Variants in TRPV4 observed in about 807,000 individuals in gnomAD.
The protein encoded by TRPV4 is OSM9-like transient receptor potential channel 4.
Under a neutral mutation model 84.1 loss-of-function variants are expected in TRPV4, and 58 were observed. That is an observed-to-expected ratio of 0.69 (90% confidence interval 0.56 to 0.86). The LOEUF (loss-of-function observed/expected upper bound fraction) is 0.86, where lower values mean the gene tolerates loss of function less well. Among genes scored for constraint, TRPV4 ranks in the 40% least tolerant of loss-of-function variants. TRPV4 has a pLI of 0.00. For missense variants in TRPV4, 879 were observed against 1,181.1 expected (o/e 0.74, Z 3.75); for synonymous variants, 489 against 500.9 (o/e 0.98, Z 0.32).
At chr12:109,817,761 T>A (rs1345876825) in intron 1 of TRPV4, among the ~76,000 whole-genome samples, 3 of 152,180 alleles carry the variant, frequency 2.0e-5, no homozygotes, top group Non-Finnish European at 4.4e-5. Context: ...AGACCAGTGG[T>A]TCTCAACCAA....
At chr12:109,803,886 A>T (rs1207847887) in intron 3 of TRPV4, among the ~76,000 whole-genome samples, 1 of 152,230 alleles carries the variant, frequency 6.6e-6, no homozygotes, top group African/African-American at 2.4e-5. Context: ...AGGGACTGTG[A>T]ACCTGTAAAA....
chr12:109,809,174 C>G (rs1479442067), intron 2 of TRPV4, among the ~76,000 whole-genome samples: 1 of 149,222 alleles, frequency 6.7e-6, no homozygotes, highest in Non-Finnish European at 1.5e-5. Context: ...ACTCATCCAT[C>G]CATCCACCCA....
At chr12:109,824,866 C>G (rs529906865) in intron 1 of TRPV4, among the ~76,000 whole-genome samples, 19 of 152,312 alleles carry the variant, frequency 1.2e-4, no homozygotes, top group African/African-American at 3.8e-4. Context: ...AGAACGTTGC[C>G]TGATCAATGC....
At chr12:109,809,418 CCTCACTG>C (rs1891376314) in intron 2 of TRPV4, among the ~76,000 whole-genome samples, 1 of 149,374 alleles carries the variant, frequency 6.7e-6, no homozygotes, top group African/African-American at 2.5e-5. Flanking sequence ...TCCATCCATC[CCTCACTG>C]ATCCATCCAT....
Position 109,793,956 on chromosome 12 carries a change from T to G in TRPV4, c.1558A>C (p.Thr520Pro). Residue 520 changes from threonine to proline, a missense_variant, in exon 9 of 16, where the codon ACT (threonine) becomes CCT (proline). Transcript: ENST00000261740. The surrounding 1 kb of genome is among the most constrained non-coding windows in gnomAD (Gnocchi z 4.0). ...TTGGTGAAGAAGAACAGGACCCCAG[T>G]GAAGAGCGTAATGACCTCGCCAGCC... ...RLAGEVITLFTGVLFFFTNIK... is the reference protein window; with the variant it reads ...RLAGEVITLFPGVLFFFTNIK... 3 of 1,610,342 alleles carry G rather than the reference T, an allele frequency of 1.9e-6. No homozygotes were observed. Among genetic ancestry groups the G allele is most frequent in the Non-Finnish European group, 2.5e-6 (3 of 1,179,092 alleles).
intron 12 of TRPV4, among the ~76,000 whole-genome samples, chr12:109,790,205 G>C (rs1302261012): frequency 6.6e-6 from 1 of 152,196 alleles, no homozygotes; most frequent in Non-Finnish European, 1.5e-5. Context: ...CACTATCGTG[G>C]GTTAAAATAT....
At chr12:109,800,069 A>C (rs923062323) in intron 5 of TRPV4, among the ~76,000 whole-genome samples, 6 of 152,016 alleles carry the variant, frequency 3.9e-5, no homozygotes, top group African/African-American at 1.4e-4. Context: ...CAGCCTCCCA[A>C]GTAGCTGGGA....
In TRPV4 at chr12:109,793,871, G is replaced by T; in HGVS notation, c.1584+59C>A. On this transcript the variant is annotated intron_variant, in intron 9 of 15. Coordinates refer to ENST00000261740, the MANE Select transcript of TRPV4 (RefSeq NM_021625.5). The surrounding 1 kb of genome is among the most constrained non-coding windows in gnomAD (Gnocchi z 4.0). Reference sequence around the variant, plus strand: ...AAGAGAAAAAGAGGGAGAGAAAAGAGGTGCAGGAAGAGAAGAGGAGGGCAG... The same window carrying T: ...AAGAGAAAAAGAGGGAGAGAAAAGATGTGCAGGAAGAGAAGAGGAGGGCAG... The T allele has an allele frequency of 8.1e-7, 1 of 1,235,064 alleles. No homozygotes were observed. The highest frequency in any genetic ancestry group is 1.2e-6 in the Non-Finnish European group (1 of 849,542). 76.5% of individuals were successfully genotyped at this position (1,235,064 alleles called of 1,614,324 possible). A position where few individuals can be genotyped will look rare whatever the true frequency, so the allele number is the denominator to read the frequency against.
In TRPV4 at chr12:109,792,818, C is replaced by G; in HGVS notation, c.1659-1G>C. ...GATCACCAGGACAGAGTAGATGAAG[C>G]TGCAGTGCAGCAGAGACCACAAGAG... On this transcript the variant is annotated splice_acceptor_variant, in intron 10 of 15. Transcript: ENST00000261740. LOFTEE classifies it high-confidence loss of function. 3 of 1,613,652 alleles carry G rather than the reference C, an allele frequency of 1.9e-6. No homozygotes were observed. The highest frequency in any genetic ancestry group is 2.5e-6 in the Non-Finnish European group (3 of 1,180,018).
rs201642486 is a variant in TRPV4, at chr12:109,808,428, G to T, written c.427C>A (p.Pro143Thr). The stretch of plus-strand genomic sequence containing the variant: ...CGGTTGAAGACTTTGAGGATGGGGG[G>T]CGGCTGAGGGGCAGGGGCTTTGGGG... Reference protein sequence around the residue: ...QSPKAPAPQPPPILKVFNRPI... With the variant: ...QSPKAPAPQPTPILKVFNRPI... Residue 143 changes from proline to threonine, a missense_variant, in exon 3 of 16, where the codon CCC becomes ACC. By Grantham distance (38) the Pro-to-Thr change is conservative (BLOSUM62 -1). Around this residue, in one of 4 missense-constraint regions of TRPV4, gnomAD observed 521 missense variants for 686.6 expected, o/e 0.76. Coordinates refer to ENST00000261740, the MANE Select transcript of TRPV4 (RefSeq NM_021625.5). 2 of 1,614,076 alleles carry T rather than the reference G, an allele frequency of 1.2e-6. No homozygotes were observed. The highest frequency in any genetic ancestry group is 2.2e-5 in the East Asian group (1 of 44,882).
At chr12:109,799,260 C>T (rs1664954891) in intron 5 of TRPV4, among the ~76,000 whole-genome samples, 1 of 151,362 alleles carries the variant, frequency 6.6e-6, no homozygotes, top group Non-Finnish European at 1.5e-5. Context: ...GCAAGCAGTT[C>T]TTGTGCCTCA....
Position 109,794,767 on chromosome 12 carries a change from T to C in TRPV4, c.1333-280A>G, listed in dbSNP as rs1189311737. Among the ~76,000 whole-genome samples the C allele has an allele frequency of 2.0e-5, 3 of 152,188 alleles. No individual in the cohort carries two copies. In the East Asian group the frequency reaches 5.8e-4, roughly 29 times the overall value. ...CCGCAGTGGCTCATGCCTGTAATCC[T>C]AGCACTTTGGGAGGCCAAGACAGGC... On this transcript the variant is annotated intron_variant, in intron 7 of 15. Transcript: ENST00000261740.
intron 14 of TRPV4, 151 bp from the exon 15 acceptor site, chr12:109,784,588 G>A (rs1889561768): frequency 8.3e-7 from 1 of 1,202,464 alleles, no homozygotes; most frequent in East Asian, 2.6e-5. Context: ...CCAGCACTTT[G>A]GGAGGCCGAG....
intron 12 of TRPV4, 67 bp downstream of exon 12, chr12:109,792,296 A>ACAT: frequency 2.9e-6 from 4 of 1,386,494 alleles, no homozygotes; most frequent in Non-Finnish European, 4.1e-6. Context: ...TGTCCCCTAT[A>ACAT]CATCATGGCT....
chr12:109,786,320 C>A lies in TRPV4; in HGVS notation c.2336+390G>T, dbSNP rs1889680707. Among the ~76,000 whole-genome samples, 1 of 152,166 alleles carries A rather than the reference C, an allele frequency of 6.6e-6. No individual in the cohort carries two copies. Among genetic ancestry groups the A allele is most frequent in the African/African-American group, 2.4e-5 (1 of 41,432 alleles). ...TTCACCGAGGGCACTAGAGCTCACC[C>A]CACTGTTTGGTAGATACAGGGTGAT... On this transcript the variant is annotated intron_variant, in intron 14 of 15. Transcript: ENST00000261740. The surrounding 1 kb of genome is among the most constrained non-coding windows in gnomAD (Gnocchi z 4.5).
chr12:109,810,845 G>A (rs748362365), intron 2 of TRPV4, among the ~76,000 whole-genome samples: 5 of 152,164 alleles, frequency 3.3e-5, no homozygotes, highest in Admixed American at 1.3e-4. Context: ...GAGGGCTTGC[G>A]GGAGGGGAAT....
At chr12:109,803,239 G>T in intron 3 of TRPV4, 96 bp from the exon 4 acceptor site, 2 of 1,424,702 alleles carry the variant, frequency 1.4e-6, no homozygotes, top group Non-Finnish European at 1.9e-6. Context: ...GGGGTCAGAT[G>T]TCCTGGCTGT....
At position 109,792,434 on chromosome 12, in the gene TRPV4, A is replaced by G. The variant is rs201531602; in HGVS notation, c.1825-5T>C. On this transcript the variant is annotated splice_region_variant and splice_polypyrimidine_tract_variant and intron_variant, in intron 11 of 15. Transcript: ENST00000261740. ...GAAAAGGTCCTTGAAGAGAATCTAA[A>G]GACCCCAGCGGGATTATGGAGGCAA... 3.1e-6 allele frequency: 5 copies of G among 1,613,912 alleles called. No homozygotes were observed. The Admixed American group carries it at 5.0e-5, about 16-fold the overall frequency.
chr12:109,819,710 T>C lies in TRPV4; in HGVS notation c.-31-4883A>G, dbSNP rs182631888. 7.3e-3 allele frequency among the ~76,000 whole-genome samples: 1,109 copies of C among 152,222 alleles called. 2 individuals are homozygous for C. Among genetic ancestry groups the C allele is most frequent in the Non-Finnish European group, 0.01 (696 of 68,018 alleles). On this transcript the variant is annotated intron_variant, in intron 1 of 15. Transcript: ENST00000261740. ...CCAAGTAGCTGGGATTACAGAAACA[T>C]GCCACTACCACTCAGCTAATTTTTG...
Sources: allele counts gnomAD v4.1 joint callset (sites outside exome capture counted in the v4.1 genomes callset), GRCh38; gene constraint gnomAD v4.1.1; regional missense constraint gnomAD v4.1.1; non-coding constraint Gnocchi (gnomAD v3.1); transcripts MANE v1.5; gene names NCBI Gene and HGNC (gene_info 2026-07-23, HGNC 2026-07-21).